The following KAZN variants were observed in gnomAD, a reference collection of about 807,000 sequenced individuals.
KAZN encodes the protein kazrin.
In KAZN, 40 loss-of-function variants were observed where a neutral mutation model predicts 87.4. The ratio of observed to expected loss-of-function variants is 0.46; its 90% CI spans 0.36 to 0.60. KAZN has a LOEUF of 0.60. Ranked by LOEUF, KAZN falls within the 20% of genes least tolerant of loss-of-function variation. The pLI is 0.00. For synonymous variants in KAZN, 466 were observed against 458.3 expected, an observed-to-expected ratio of 1.02 and a Z score of -0.22; for missense variants, 898 against 1,073.9, an observed-to-expected ratio of 0.84 and a Z score of 2.29.
At chr1:15,065,890 G>T in intron 8 of KAZN, 137 bp downstream of exon 8, 6 of 1,503,028 alleles carry the variant, frequency 4.0e-6, no homozygotes, top group Non-Finnish European at 5.3e-6. Flanking sequence ...CCGTGCGTGG[G>T]GTGCGTGTGC....
intron 2 of KAZN, among the ~76,000 whole-genome samples, chr1:15,015,290 T>G (rs1248255711): frequency 6.6e-6 from 1 of 152,020 alleles, no homozygotes; most frequent in Non-Finnish European, 1.5e-5. Context: ...GTAGCTGGGA[T>G]TACAGGCGCC....
chr1:14,486,351 AT>A (rs903595337), intron 2 of KAZN, among the ~76,000 whole-genome samples: 4 of 152,200 alleles, frequency 2.6e-5, no homozygotes, highest in African/African-American at 9.6e-5. Flanking sequence ...AAATGAAATT[AT>A]TTTTAACATA....
At chr1:13,902,662 G>A (rs571834028) in intron 1 of KAZN, among the ~76,000 whole-genome samples, 13 of 152,220 alleles carry the variant, frequency 8.5e-5, no homozygotes, top group African/African-American at 3.1e-4. Context: ...AATTAATTGC[G>A]TATTTCAAAA....
chr1:14,439,000 C>A (rs1666553651), intron 2 of KAZN, among the ~76,000 whole-genome samples: 1 of 152,234 alleles, frequency 6.6e-6, no homozygotes, highest in African/African-American at 2.4e-5. Flanking sequence ...ATTCTAACAA[C>A]TGCCCATTGT....
At chr1:14,070,963 G>A (rs963612082) in intron 1 of KAZN, among the ~76,000 whole-genome samples, 3 of 152,130 alleles carry the variant, frequency 2.0e-5, no homozygotes, top group Non-Finnish European at 4.4e-5. Flanking sequence ...GTGTCATATC[G>A]AATAAGTCGT....
At chr1:14,412,264 G>A (rs1468440555) in intron 2 of KAZN, among the ~76,000 whole-genome samples, 1 of 152,170 alleles carries the variant, frequency 6.6e-6, no homozygotes. Flanking sequence ...AAACACAGAA[G>A]CTCTAATGAG....
intron 1 of KAZN, among the ~76,000 whole-genome samples, chr1:14,138,628 T>C (rs1364839055): frequency 6.6e-6 from 1 of 152,104 alleles, no homozygotes; most frequent in Non-Finnish European, 1.5e-5. Flanking sequence ...AATGCAGAAG[T>C]GGGAGAAGAT....
intron 2 of KAZN, among the ~76,000 whole-genome samples, chr1:14,297,124 G>A (rs2100766040): frequency 6.6e-6 from 1 of 152,210 alleles, no homozygotes; most frequent in Admixed American, 6.5e-5. Flanking sequence ...CTTACATAGA[G>A]GGGCTTATTT....
At position 14,960,763 on chromosome 1, in the gene KAZN, C is replaced by A; in HGVS notation, c.306C>A (p.Asp102Glu). Residue 102 changes from aspartate (D) to glutamate (E), a missense_variant, in exon 2 of 15, where the codon GAC becomes GAA. Coordinates refer to ENST00000376030, the MANE Select transcript of KAZN (RefSeq NM_201628.3). ...AGATGAAGGAGATGTTGGCGAAGGACCTGGAGGAGTCGCAGGGCGGCAAGT... is the reference window on the plus strand; with the variant it reads ...AGATGAAGGAGATGTTGGCGAAGGAACTGGAGGAGTCGCAGGGCGGCAAGT... ...LRQMKEMLAK[D>E]LEESQGGKSS... 6.2e-7 allele frequency: 1 copy of A among 1,606,004 alleles called. No individual in the cohort carries two copies. The highest frequency in any genetic ancestry group is 8.5e-7 in the Non-Finnish European group (1 of 1,176,382).
intron 1 of KAZN, among the ~76,000 whole-genome samples, chr1:14,912,482 A>G (rs1572808835): frequency 6.6e-6 from 1 of 151,692 alleles, no homozygotes; most frequent in East Asian, 1.9e-4. Context: ...GTTTGATAAT[A>G]CCTCCCTCCC....
At chr1:14,208,110 T>C (rs1158322882) in intron 2 of KAZN, among the ~76,000 whole-genome samples, 4 of 152,214 alleles carry the variant, frequency 2.6e-5, no homozygotes, top group Non-Finnish European at 4.4e-5. Context: ...AGAGTGTCCA[T>C]GCTGTTTGGG....
chr1:14,745,239 G>A (rs3795755), intron 1 of KAZN, among the ~76,000 whole-genome samples: 6,942 of 143,480 alleles, frequency 0.048, 343 homozygotes, highest in African/African-American at 0.13. Flanking sequence ...TGAATGGGGC[G>A]TTTATCATTA....
intron 2 of KAZN, among the ~76,000 whole-genome samples, chr1:14,217,217 C>T (rs948726005): frequency 3.3e-5 from 5 of 151,960 alleles, no homozygotes. Flanking sequence ...AACTGTGGGC[C>T]AATAAATTTT....
intron 2 of KAZN, among the ~76,000 whole-genome samples, chr1:14,557,656 GTGTGT>G (rs1673985131): frequency 6.9e-6 from 1 of 145,388 alleles, no homozygotes. Flanking sequence ...GTGTGTGTGT[GTGTGT>G]GTGTGGTGTG....
In KAZN at chr1:15,013,304, C is replaced by T. The variant is rs148529643; in HGVS notation, c.419-21445C>T. Among the ~76,000 whole-genome samples the T allele has an allele frequency of 3.8e-3, 575 of 152,288 alleles. 4 individuals carry two copies. The highest frequency in any genetic ancestry group is 0.017 in the Middle Eastern group (5 of 294). Reference sequence around the variant, plus strand: ...CAAAATAGGAGGCAAACTACTCACCCCCGTTTCGTTTATATTCGAGTGGGG... The same window carrying T: ...CAAAATAGGAGGCAAACTACTCACCTCCGTTTCGTTTATATTCGAGTGGGG... On this transcript the variant is annotated intron_variant, in intron 2 of 14. Transcript: ENST00000376030.
At chr1:14,551,889 C>T (rs767447667) in intron 2 of KAZN, among the ~76,000 whole-genome samples, 1 of 152,116 alleles carries the variant, frequency 6.6e-6, no homozygotes, top group South Asian at 2.1e-4. Flanking sequence ...TCCTTGGCCC[C>T]GTGGGATGAA....
chr1:14,952,114 C>T (rs1662559299), intron 1 of KAZN, among the ~76,000 whole-genome samples: 1 of 152,166 alleles, frequency 6.6e-6, no homozygotes, highest in African/African-American at 2.4e-5. Flanking sequence ...TGGCAGCAGC[C>T]ATGGTCTCTG....
At position 14,470,177 on chromosome 1, in the gene KAZN, C is replaced by T. The variant is rs1369824571; in HGVS notation, c.250-128806C>T. 3.9e-5 allele frequency among the ~76,000 whole-genome samples: 6 copies of T among 152,206 alleles called. No individual in the cohort carries two copies. In the East Asian group the frequency reaches 1.2e-3, roughly 29 times the overall value. On this transcript the variant is annotated intron_variant, in intron 2 of 16. Coordinates refer to the KAZN transcript ENST00000636203. Reference sequence around the variant, plus strand: ...AATGAGAATAAGTGCTGAGTTGAGACAGATAGCCCAGCTTGAAAATTCTGT... The same window carrying T: ...AATGAGAATAAGTGCTGAGTTGAGATAGATAGCCCAGCTTGAAAATTCTGT...
chr1:14,432,818 G>A (rs1051615903), intron 2 of KAZN, among the ~76,000 whole-genome samples: 1 of 152,110 alleles, frequency 6.6e-6, no homozygotes, highest in African/African-American at 2.4e-5. Context: ...GTGAGAACAT[G>A]CGGTGTTTGG....
Sources: gnomAD v4.1 joint callset for allele counts (sites outside exome capture counted in the v4.1 genomes callset) on GRCh38, gnomAD v4.1.1 for gene constraint, MANE v1.5 for transcripts, NCBI Gene and HGNC (gene_info 2026-07-23, HGNC 2026-07-21) for gene names.